TMEM131: variants seen among roughly 807,000 people sequenced by gnomAD.
TMEM131 encodes the protein 2610524E03Rik.
Under a neutral mutation model 211.6 loss-of-function variants are expected in TMEM131, and 66 were observed. The observed-to-expected ratio is 0.31, with a 90% CI of 0.26 to 0.38. The LOEUF is 0.38. Among genes scored for constraint, TMEM131 ranks in the 10% least tolerant of loss-of-function variants. The probability of loss-of-function intolerance (pLI) is 1.00; values close to 1 mark genes in which losing one functional copy is unlikely to be tolerated. For synonymous variants in TMEM131, 844 were observed against 841.3 expected, an observed-to-expected ratio of 1.00 and a Z score of -0.06; for missense variants, 2,036 against 2,299.3, an observed-to-expected ratio of 0.89 and a Z score of 2.34.
chr2:97,940,660 T>A (rs1453545638), intron 1 of TMEM131, among the ~76,000 whole-genome samples: 1 of 151,872 alleles, frequency 6.6e-6, no homozygotes, highest in African/African-American at 2.4e-5. Context: ...TACAAAAACT[T>A]AGCCGGGTGT....
intron 11 of TMEM131, among the ~76,000 whole-genome samples, chr2:97,830,484 C>T (rs1195286716): frequency 6.6e-6 from 1 of 152,106 alleles, no homozygotes; most frequent in Non-Finnish European, 1.5e-5. Flanking sequence ...TTCAACGGTC[C>T]GGAACATTCT....
intron 12 of TMEM131, among the ~76,000 whole-genome samples, chr2:97,818,056 A>G (rs1336940222): frequency 6.6e-6 from 1 of 152,218 alleles, no homozygotes; most frequent in Non-Finnish European, 1.5e-5. Flanking sequence ...AAAACATGCT[A>G]TAAAAATGGT....
intron 3 of TMEM131, among the ~76,000 whole-genome samples, chr2:97,895,772 T>C (rs1559431631): frequency 6.6e-6 from 1 of 152,164 alleles, no homozygotes; most frequent in Non-Finnish European, 1.5e-5. Flanking sequence ...TCTTCTTTAT[T>C]AGTCTGGCTA....
chr2:97,945,250 CG>C (rs888051871), intron 1 of TMEM131, among the ~76,000 whole-genome samples: 42 of 152,102 alleles, frequency 2.8e-4, no homozygotes, highest in African/African-American at 9.6e-4. Flanking sequence ...TTATAGGAAA[CG>C]TCCAGAATAG....
At chr2:97,987,518 A>T (rs940912902) in intron 1 of TMEM131, among the ~76,000 whole-genome samples, 2 of 152,014 alleles carry the variant, frequency 1.3e-5, no homozygotes, top group Non-Finnish European at 2.9e-5. Context: ...ACAAAAAAAC[A>T]AAAACAAAAA....
chr2:97,968,280 G>T (rs1028386378), intron 1 of TMEM131, among the ~76,000 whole-genome samples: 3 of 152,076 alleles, frequency 2.0e-5, no homozygotes, highest in Non-Finnish European at 4.4e-5. Context: ...AGATAAGGGC[G>T]CAGAGGGTCT....
chr2:97,771,913 T>G (rs774508848), intron 33 of TMEM131, among the ~76,000 whole-genome samples: 4 of 152,248 alleles, frequency 2.6e-5, no homozygotes, highest in Admixed American at 2.0e-4. Context: ...GGGTTAACAA[T>G]TCGACAGACT....
chr2:97,906,628 C>A (rs535540507), intron 3 of TMEM131, among the ~76,000 whole-genome samples: 9 of 152,300 alleles, frequency 5.9e-5, no homozygotes, highest in African/African-American at 1.9e-4. Context: ...CCCAAACTAG[C>A]CCATGTGAAG....
At chr2:97,800,485 C>CA (rs1680975614) in intron 25 of TMEM131, among the ~76,000 whole-genome samples, 1 of 151,872 alleles carries the variant, frequency 6.6e-6, no homozygotes, top group Non-Finnish European at 1.5e-5. Flanking sequence ...CACTGTGGCT[C>CA]ACGCCTGTAA....
chr2:97,941,929 G>T lies in TMEM131; in HGVS notation c.188-14442C>A, dbSNP rs532280532. On this transcript the variant is annotated intron_variant, in intron 1 of 40. Coordinates refer to ENST00000186436, the MANE Select transcript of TMEM131 (RefSeq NM_015348.2). ...GAAGACAGTGGGGCGATTCCTCAAGGATCCAGAACTAGAAATACCATTTGA... is the reference window on the plus strand; with the variant it reads ...GAAGACAGTGGGGCGATTCCTCAAGTATCCAGAACTAGAAATACCATTTGA... 1.3e-4 allele frequency among the ~76,000 whole-genome samples: 20 copies of T among 152,222 alleles called. No homozygotes were observed. In the South Asian group the frequency reaches 2.1e-3, roughly 16 times the overall value.
intron 12 of TMEM131, among the ~76,000 whole-genome samples, chr2:97,817,965 G>A (rs536495097): frequency 2.0e-5 from 3 of 152,170 alleles, no homozygotes; most frequent in Non-Finnish European, 4.4e-5. Context: ...GTATGGTTAA[G>A]CAGCCATTAA....
Position 97,793,989 on chromosome 2 carries a change from GTC to G in TMEM131, c.3387-438_3387-437del, listed in dbSNP as rs1448172067. ...AGCCTGGGCAACAGAGCGAGACTCT[GTC>G]TCAAAAAAAAAAAAAAAAAAAAAAC... On this transcript the variant is annotated intron_variant, in intron 29 of 40. Coordinates refer to ENST00000186436, the MANE Select transcript of TMEM131 (RefSeq NM_015348.2). Among the ~76,000 whole-genome samples, 3 of 39,508 alleles carry G rather than the reference GTC, an allele frequency of 7.6e-5. 1 individual carries two copies. Among genetic ancestry groups the G allele is most frequent in the Admixed American group, 8.8e-4 (2 of 2,260 alleles). 25.9% of individuals were successfully genotyped at this position (39,508 alleles called of 152,430 possible). A position where few individuals can be genotyped will look rare whatever the true frequency, so the allele number is the denominator to read the frequency against.
chr2:97,956,616 A>C (rs1408079430), intron 1 of TMEM131, among the ~76,000 whole-genome samples: 1 of 152,158 alleles, frequency 6.6e-6, no homozygotes, highest in Non-Finnish European at 1.5e-5. Context: ...AAAGAGAAAA[A>C]TTTATGTCAA....
intron 11 of TMEM131, among the ~76,000 whole-genome samples, chr2:97,826,587 G>T (rs1284218903): frequency 6.6e-6 from 1 of 150,652 alleles, no homozygotes; most frequent in South Asian, 2.1e-4. Context: ...AGAGAGAGAG[G>T]AAGAGACAGA....
chr2:97,772,790 G>C (rs983412155), intron 32 of TMEM131, among the ~76,000 whole-genome samples: 3 of 152,210 alleles, frequency 2.0e-5, no homozygotes, highest in Admixed American at 6.5e-5. Context: ...CCAGCTACTT[G>C]GGAGGCTGAG....
chr2:97,931,804 TAC>T (rs1677231069), intron 1 of TMEM131, among the ~76,000 whole-genome samples: 2 of 152,314 alleles, frequency 1.3e-5, no homozygotes, highest in African/African-American at 2.4e-5. Flanking sequence ...AAAGCTGTGT[TAC>T]AGAGTCACCT....
At chr2:97,828,222 GT>G (rs1184585423) in intron 11 of TMEM131, among the ~76,000 whole-genome samples, 2 of 152,108 alleles carry the variant, frequency 1.3e-5, no homozygotes, top group Non-Finnish European at 2.9e-5. Flanking sequence ...AAGCTGGAAA[GT>G]CACTGGAATA....
intron 3 of TMEM131, among the ~76,000 whole-genome samples, chr2:97,893,558 T>C (rs1023439451): frequency 1.3e-5 from 2 of 152,192 alleles, no homozygotes; most frequent in African/African-American, 4.8e-5. Flanking sequence ...CATCTGTCAT[T>C]TCCTGACTTT....
At chr2:97,986,372 AG>A (rs750672403) in intron 1 of TMEM131, among the ~76,000 whole-genome samples, 6 of 152,158 alleles carry the variant, frequency 3.9e-5, no homozygotes, top group Non-Finnish European at 8.8e-5. Flanking sequence ...GAGATGAGGA[AG>A]GAACAGAGAC....
Sources: gnomAD v4.1 joint callset for allele counts (sites outside exome capture counted in the v4.1 genomes callset) on GRCh38, gnomAD v4.1.1 for gene constraint, MANE v1.5 for transcripts, NCBI Gene and HGNC (gene_info 2026-07-23, HGNC 2026-07-21) for gene names.